The following ALDH1L2 variants were observed in gnomAD, a reference collection of about 807,000 sequenced individuals.
ALDH1L2 encodes aldehyde dehydrogenase 1 family member L2, also known as mitochondrial 10-formyltetrahydrofolate dehydrogenase.
ALDH1L2 carries 91 observed loss-of-function variants against 111.0 expected under a neutral mutation model. The observed-to-expected ratio is 0.82, with a 90% CI of 0.69 to 0.98. The LOEUF (loss-of-function observed/expected upper bound fraction) is 0.98. Among genes scored for constraint, ALDH1L2 ranks in the 50% least tolerant of loss-of-function variants. The pLI, the probability that ALDH1L2 is intolerant of heterozygous loss-of-function variation, is 0.00. For synonymous variants in ALDH1L2, 374 were observed against 392.6 expected (o/e 0.95, Z 0.56); for missense variants, 995 against 1,126.8 (o/e 0.88, Z 1.67).
intron 15 of ALDH1L2, among the ~76,000 whole-genome samples, chr12:105,042,827 G>T (rs2136064139): frequency 6.6e-6 from 1 of 152,022 alleles, no homozygotes; most frequent in East Asian, 1.9e-4. Flanking sequence ...GCATAATATG[G>T]ATCTCACCTT....
At chr12:105,034,540 A>G in intron 18 of ALDH1L2, 142 bp from the exon 19 acceptor site, 1 of 651,626 alleles carries the variant, frequency 1.5e-6, no homozygotes, top group Non-Finnish European at 2.6e-6. Flanking sequence ...TGGCCTTGTT[A>G]GTGATGAGAG....
At position 105,053,004 on chromosome 12, in the gene ALDH1L2, G is replaced by A. The variant is rs1356195178; in HGVS notation, c.1288-73C>T. 5 of 1,529,584 alleles carry A rather than the reference G, an allele frequency of 3.3e-6. No homozygotes were observed. The African/African-American group carries it at 4.1e-5, about 12-fold the overall frequency. 94.8% of individuals were successfully genotyped at this position (1,529,584 alleles called of 1,614,324 possible). A position where few individuals can be genotyped will look rare whatever the true frequency, so the allele number is the denominator to read the frequency against. On this transcript the variant is annotated intron_variant, in intron 10 of 22. Transcript: ENST00000258494. The stretch of plus-strand genomic sequence containing the variant: ...TTTGATGTCAAACAGCAATAAAGAA[G>A]CATATTCACGAATGCAGAGGGAGAA...
chr12:105,036,184 T>C (rs1435679886), intron 18 of ALDH1L2, among the ~76,000 whole-genome samples: 2 of 55,222 alleles, frequency 3.6e-5, no homozygotes, highest in Non-Finnish European at 5.6e-5. Flanking sequence ...TATTTATATA[T>C]GTGTATATAA....
At chr12:105,030,223 A>T in intron 21 of ALDH1L2, 101 bp downstream of exon 21, 1 of 661,356 alleles carries the variant, frequency 1.5e-6, no homozygotes, top group Non-Finnish European at 2.3e-6. Context: ...GTAGAAAATT[A>T]CATGTTCATT....
At chr12:105,056,229 A>G (rs10861332) in intron 10 of ALDH1L2, among the ~76,000 whole-genome samples, 59,606 of 151,904 alleles carry the variant, frequency 0.39, 12,919 homozygotes, top group Middle Eastern at 0.61. Flanking sequence ...ATCAGAAACC[A>G]TGAAGGCCAG....
chr12:105,036,091 T>TATTA (rs1491173048), intron 18 of ALDH1L2, among the ~76,000 whole-genome samples: 575 of 53,348 alleles, frequency 0.011, 116 homozygotes, highest in Non-Finnish European at 0.014. Flanking sequence ...TGTGTATATA[T>TATTA]TATATATACG....
In ALDH1L2 at chr12:105,023,541, C is replaced by G. The variant is rs997833615; in HGVS notation, c.*883G>C. The G allele has an allele frequency of 6.6e-6, 1 of 152,050 alleles. No homozygotes were observed. Among genetic ancestry groups the G allele is most frequent in the Non-Finnish European group, 1.5e-5 (1 of 68,008 alleles). The allele number at this position is 152,050 out of a possible 1,614,324, so 9.4% of individuals were successfully genotyped here. ...ATCAGAGTTAAATTTGAGTACTTACCATGAGCAAAGCATTAATGTGAGGTG... is the reference window on the plus strand; with the variant it reads ...ATCAGAGTTAAATTTGAGTACTTACGATGAGCAAAGCATTAATGTGAGGTG... On this transcript the variant is annotated 3_prime_UTR_variant, in exon 23 of 23. Coordinates refer to ENST00000258494, the MANE Select transcript of ALDH1L2 (RefSeq NM_001034173.4).
intron 21 of ALDH1L2, among the ~76,000 whole-genome samples, chr12:105,028,893 C>T (rs918910565): frequency 6.6e-6 from 1 of 152,148 alleles, no homozygotes. Context: ...CACTGCAATG[C>T]TCTATTGATG....
intron 10 of ALDH1L2, among the ~76,000 whole-genome samples, chr12:105,057,662 T>G (rs1169494988): frequency 6.6e-6 from 1 of 152,194 alleles, no homozygotes; most frequent in Non-Finnish European, 1.5e-5. Flanking sequence ...AAAAGCCACA[T>G]GTTGTATGAT....
chr12:105,059,383 A>G (rs535533243), intron 9 of ALDH1L2, among the ~76,000 whole-genome samples: 93 of 151,512 alleles, frequency 6.1e-4, no homozygotes, highest in Non-Finnish European at 1.2e-3. Context: ...AGTAGGGAGG[A>G]TGAGATGAAA....
rs201727955 is a variant in ALDH1L2, at chr12:105,058,040, G to A, written c.1287+33C>T. The A allele has an allele frequency of 7.5e-6, 12 of 1,603,192 alleles. No homozygotes were observed. In the East Asian group the frequency reaches 1.1e-4, roughly 15 times the overall value. ...TCTTTTATAGTGTATGGATCTCACTGATTTAGGGTTGCAACATCAAGGAAA... is the reference window on the plus strand; with the variant it reads ...TCTTTTATAGTGTATGGATCTCACTAATTTAGGGTTGCAACATCAAGGAAA... On this transcript the variant is annotated intron_variant, in intron 10 of 22. Coordinates refer to ENST00000258494, the MANE Select transcript of ALDH1L2 (RefSeq NM_001034173.4).
chr12:105,025,577 A>G (rs552059527), intron 22 of ALDH1L2, among the ~76,000 whole-genome samples: 35 of 152,178 alleles, frequency 2.3e-4, no homozygotes, highest in Non-Finnish European at 4.3e-4. Context: ...CCTTCACCCA[A>G]TGGAATTTAA....
intron 4 of ALDH1L2, among the ~76,000 whole-genome samples, chr12:105,067,451 T>C (rs934782206): frequency 1.3e-5 from 2 of 152,220 alleles, no homozygotes; most frequent in Non-Finnish European, 2.9e-5. Context: ...TGAGTTATTT[T>C]ACTCATCATG....
intron 2 of ALDH1L2, among the ~76,000 whole-genome samples, chr12:105,072,094 T>A (rs1003340326): frequency 1.2e-4 from 18 of 149,244 alleles, no homozygotes; most frequent in Non-Finnish European, 1.5e-4. Context: ...TCTAAAAAAA[T>A]GTGTTTAAGT....
At chr12:105,083,638 C>G (rs966183814) in intron 1 of ALDH1L2, among the ~76,000 whole-genome samples, 1 of 151,006 alleles carries the variant, frequency 6.6e-6, no homozygotes, top group African/African-American at 2.4e-5. Flanking sequence ...TTTTTTCTCT[C>G]TCTCTCTTCC....
intron 10 of ALDH1L2, among the ~76,000 whole-genome samples, chr12:105,054,541 A>G (rs574905979): frequency 3.9e-5 from 6 of 152,212 alleles, no homozygotes; most frequent in Non-Finnish European, 5.9e-5. Context: ...CATTGCAAGT[A>G]TGGTAGCTGT....
intron 1 of ALDH1L2, among the ~76,000 whole-genome samples, chr12:105,077,308 T>C (rs1396719382): frequency 1.3e-5 from 2 of 151,792 alleles, no homozygotes; most frequent in Non-Finnish European, 2.9e-5. Flanking sequence ...TCTCACTGTG[T>C]CACCTAGGCT....
At chr12:105,053,083 G>A (rs1876397781) in intron 10 of ALDH1L2, 152 bp from the exon 11 acceptor site, 5 of 993,430 alleles carry the variant, frequency 5.0e-6, no homozygotes, top group Non-Finnish European at 7.3e-6. Flanking sequence ...GTGAGATTTG[G>A]GCCTCAAGAT....
intron 8 of ALDH1L2, among the ~76,000 whole-genome samples, 168 bp from the exon 9 acceptor site, chr12:105,061,240 C>T (rs1345595194): frequency 3.3e-5 from 5 of 152,126 alleles, no homozygotes; most frequent in African/African-American, 1.2e-4. Context: ...AACCAATGAA[C>T]AGGAGTGGAA....
Sources: allele counts gnomAD v4.1 joint callset (sites outside exome capture counted in the v4.1 genomes callset), GRCh38; gene constraint gnomAD v4.1.1; transcripts MANE v1.5; gene names NCBI Gene and HGNC (gene_info 2026-07-23, HGNC 2026-07-21).